The following NTM variants were observed in gnomAD, a reference collection of about 807,000 sequenced individuals.
NTM encodes the protein IgLON family member 2.
NTM carries 13 observed loss-of-function variants against 42.1 expected under a neutral mutation model. The ratio of observed to expected loss-of-function variants is 0.31; its 90% CI spans 0.20 to 0.49. The LOEUF (loss-of-function observed/expected upper bound fraction) is 0.49. Ranked by LOEUF, NTM falls within the 20% of genes least tolerant of loss-of-function variation. The probability of loss-of-function intolerance (pLI) is 0.99; values close to 1 mark genes in which losing one functional copy is unlikely to be tolerated. For synonymous variants in NTM, 187 were observed against 179.2 expected (o/e 1.04, Z -0.35); for missense variants, 373 against 452.8 (o/e 0.82, Z 1.60).
intron 4 of NTM, among the ~76,000 whole-genome samples, chr11:132,294,225 TTC>T (rs1200158652): frequency 5.3e-5 from 8 of 152,128 alleles, no homozygotes; most frequent in Non-Finnish European, 1.0e-4. Context: ...TCTGGTTACT[TTC>T]TCTGTTTGAC....
chr11:132,058,431 A>G (rs2080073181), intron 2 of NTM, among the ~76,000 whole-genome samples: 1 of 152,296 alleles, frequency 6.6e-6, no homozygotes, highest in Middle Eastern at 3.4e-3. Context: ...GCCTTAAGCC[A>G]TGCACTCCAT....
chr11:132,167,067 T>A (rs1313338110), intron 3 of NTM, among the ~76,000 whole-genome samples: 4 of 152,218 alleles, frequency 2.6e-5, no homozygotes, highest in Non-Finnish European at 5.9e-5. Context: ...AAGATACACT[T>A]TATTCTATCC....
intron 2 of NTM, among the ~76,000 whole-genome samples, chr11:131,999,436 A>G (rs2135257704): frequency 6.6e-6 from 1 of 152,332 alleles, no homozygotes; most frequent in Admixed American, 6.5e-5. Flanking sequence ...GTTTGGGGTA[A>G]GAAAGGAAGA....
intron 2 of NTM, among the ~76,000 whole-genome samples, chr11:131,982,422 A>G (rs995370036): frequency 3.3e-5 from 5 of 152,144 alleles, no homozygotes; most frequent in African/African-American, 7.2e-5. Flanking sequence ...GATGGCAGGA[A>G]TGGAGAGACA....
intron 1 of NTM, among the ~76,000 whole-genome samples, chr11:131,593,119 A>T (rs2059526376): frequency 6.6e-6 from 1 of 152,052 alleles, no homozygotes; most frequent in African/African-American, 2.4e-5. Flanking sequence ...ACTATTATTT[A>T]TTTCTCATTC....
intron 2 of NTM, among the ~76,000 whole-genome samples, chr11:132,128,328 T>C (rs1004636305): frequency 3.3e-5 from 5 of 152,104 alleles, no homozygotes; most frequent in Non-Finnish European, 5.9e-5. Context: ...CTACAGATAA[T>C]GAATGTCTTT....
intron 2 of NTM, among the ~76,000 whole-genome samples, chr11:132,089,627 A>G (rs541989071): frequency 6.6e-6 from 1 of 152,296 alleles, no homozygotes; most frequent in African/African-American, 2.4e-5. Flanking sequence ...CGTCTTCAAC[A>G]TTGTCTCCTC....
chr11:131,405,459 C>T (rs1945709246), intron 1 of NTM, among the ~76,000 whole-genome samples: 1 of 152,006 alleles, frequency 6.6e-6, no homozygotes, highest in South Asian at 2.1e-4. Flanking sequence ...TTTCCTTGTC[C>T]TTCCCTTTCC....
intron 3 of NTM, among the ~76,000 whole-genome samples, chr11:132,162,193 G>A (rs1316379675): frequency 6.6e-6 from 1 of 151,736 alleles, no homozygotes; most frequent in Non-Finnish European, 1.5e-5. Context: ...GGGGGAGTGT[G>A]TATGTGGGGG....
At chr11:131,564,444 GGGAGAGAGAGAGGGA>G (rs148705860) in intron 1 of NTM, among the ~76,000 whole-genome samples, 12,658 of 146,686 alleles carry the variant, frequency 0.086, 854 homozygotes, top group African/African-American at 0.19. Context: ...GGTGGGTAGG[GGGAGAGAGAGAGGGA>G]GGGAGAGAGA....
chr11:131,870,563 G>T (rs1474623048), intron 1 of NTM, among the ~76,000 whole-genome samples: 1 of 152,118 alleles, frequency 6.6e-6, no homozygotes, highest in Non-Finnish European at 1.5e-5. Flanking sequence ...TCCTCTTTAA[G>T]CAGTGCCCCT....
intron 1 of NTM, among the ~76,000 whole-genome samples, chr11:131,667,392 G>A (rs2069255771): frequency 6.6e-6 from 1 of 152,140 alleles, no homozygotes; most frequent in African/African-American, 2.4e-5. Context: ...CCTTCCTTGG[G>A]AAAGCCTTCC....
chr11:132,069,117 A>G (rs1793634), intron 2 of NTM, among the ~76,000 whole-genome samples: 41,253 of 150,214 alleles, frequency 0.27, 5,586 homozygotes, highest in African/African-American at 0.34. Context: ...ATCACAGGTT[A>G]GTTTACACGT....
intron 1 of NTM, among the ~76,000 whole-genome samples, chr11:131,501,658 G>T (rs1201257515): frequency 6.6e-6 from 1 of 152,170 alleles, no homozygotes; most frequent in East Asian, 1.9e-4. Context: ...TGGCAAAGGG[G>T]GCTGTTGCAG....
chr11:131,793,031 A>G (rs1159196531), intron 1 of NTM, among the ~76,000 whole-genome samples: 3 of 152,224 alleles, frequency 2.0e-5, no homozygotes, highest in Non-Finnish European at 4.4e-5. Context: ...AGTCCCATTA[A>G]AGTGAAGGCC....
At chr11:131,586,432 G>A (rs2058865834) in intron 1 of NTM, among the ~76,000 whole-genome samples, 1 of 152,166 alleles carries the variant, frequency 6.6e-6, no homozygotes, top group Non-Finnish European at 1.5e-5. Context: ...CTCCCTCTGG[G>A]ATTACTCACC....
In NTM at chr11:132,307,822, C is replaced by T; in HGVS notation, c.660C>T (p.Asn220=). 1 of 1,614,060 alleles carries T rather than the reference C, an allele frequency of 6.2e-7. No homozygotes were observed. Among genetic ancestry groups the T allele is most frequent in the Non-Finnish European group, 8.5e-7 (1 of 1,179,972 alleles). Residue 220 remains asparagine (N), a splice_region_variant and synonymous_variant, in exon 5 of 9, where the codon AAC becomes AAT. Transcript: ENST00000683400. ...PVVRRVKVTV[N]YPPYISEAKG... ...TACGGAGAGTAAAGGTCACCGTGAA[C>T]TGTAAGTGTTCTCACCACCACGCGC... is the stretch of plus-strand genomic sequence containing the variant.
chr11:131,698,086 AAGAC>A (rs1304690667), intron 1 of NTM, among the ~76,000 whole-genome samples: 1 of 152,198 alleles, frequency 6.6e-6, no homozygotes, highest in Non-Finnish European at 1.5e-5. Flanking sequence ...AGCTCAGGTC[AAGAC>A]AGACAAAGTT....
At chr11:132,119,748 G>A (rs2064462234) in intron 2 of NTM, among the ~76,000 whole-genome samples, 1 of 152,190 alleles carries the variant, frequency 6.6e-6, no homozygotes. Flanking sequence ...GGGACCTTCT[G>A]CACCAAGGCT....
Sources: allele counts gnomAD v4.1 joint callset (sites outside exome capture counted in the v4.1 genomes callset), GRCh38; gene constraint gnomAD v4.1.1; transcripts MANE v1.5; gene names NCBI Gene and HGNC (gene_info 2026-07-23, HGNC 2026-07-21).